DCC: variants seen among roughly 807,000 people sequenced by gnomAD.
The protein encoded by DCC is netrin receptor DCC.
Under a neutral mutation model 172.5 loss-of-function variants are expected in DCC, and 58 were observed. That is an observed-to-expected ratio of 0.34 (90% CI 0.27 to 0.42). The LOEUF (loss-of-function observed/expected upper bound fraction) is 0.42, where lower values mean the gene tolerates loss of function less well. Among genes scored for constraint, DCC ranks in the 10% least tolerant of loss-of-function variants. The pLI, the probability that DCC is intolerant of heterozygous loss-of-function variation, is 1.00. For missense variants in DCC, 1,740 were observed against 1,791.0 expected, an observed-to-expected ratio of 0.97 and a Z score of 0.51; for synonymous variants, 709 against 644.5, an observed-to-expected ratio of 1.10 and a Z score of -1.52.
chr18:53,524,001 T>C (rs1403243299), intron 27 of DCC, among the ~76,000 whole-genome samples: 1 of 151,592 alleles, frequency 6.6e-6, no homozygotes, highest in African/African-American at 2.4e-5. Flanking sequence ...GGTGAGAGGA[T>C]TGAGGAGATG....
chr18:53,263,536 A>T (rs1195331213), intron 12 of DCC, among the ~76,000 whole-genome samples: 1 of 152,168 alleles, frequency 6.6e-6, no homozygotes, highest in African/African-American at 2.4e-5. Flanking sequence ...AAATTTTATT[A>T]AGTTGATTTT....
rs182715268 is a variant in DCC, at chr18:52,956,423, T to C, written c.985+31053T>C. ...TCTATTTCTGAGCTCTCTGTCCTGT[T>C]CCATTGATCTATTTATTTATTCTTT... On this transcript the variant is annotated intron_variant, in intron 5 of 28. Coordinates refer to ENST00000442544, the MANE Select transcript of DCC (RefSeq NM_005215.4). 8.5e-5 allele frequency among the ~76,000 whole-genome samples: 13 copies of C among 152,180 alleles called. No individual in the cohort carries two copies. The East Asian group carries it at 2.5e-3, about 29-fold the overall frequency.
rs1446168229 is a variant in DCC at position 53,339,865 on chromosome 18, C to A, written c.2317C>A (p.Arg773Ser). 3 of 1,613,604 alleles carry A rather than the reference C, an allele frequency of 1.9e-6. No individual in the cohort carries two copies. Among genetic ancestry groups the A allele is most frequent in the Non-Finnish European group, 2.5e-6 (3 of 1,179,840 alleles). Residue 773 changes from arginine (R) to serine (S), a missense_variant, in exon 15 of 29, where the codon CGT (arginine) becomes AGT (serine). Coordinates refer to ENST00000442544, the MANE Select transcript of DCC (RefSeq NM_005215.4). ...TGGGAGCCCTTACGCTGAGACAGTG[C>A]GTGTGGACAGCAAGCAGCGATATTA... is the stretch of plus-strand genomic sequence containing the variant. Reference protein sequence around the residue: ...GVGSPYAETVRVDSKQRYYSI... With the variant: ...GVGSPYAETVSVDSKQRYYSI...
intron 7 of DCC, among the ~76,000 whole-genome samples, chr18:53,099,801 A>C (rs1328864606): frequency 6.6e-6 from 1 of 152,068 alleles, no homozygotes; most frequent in African/African-American, 2.4e-5. Flanking sequence ...TTTATATTGT[A>C]ATGAGAGTTG....
At position 53,099,939 on chromosome 18, in the gene DCC, C is replaced by CTTTTTTTTTTTTTT. The variant is rs200213348; in HGVS notation, c.1261+33776_1261+33777insTTTTTTTTTTTTTT. On this transcript the variant is annotated intron_variant, in intron 7 of 28. Transcript: ENST00000442544. ...AAGAGACTTTTCTTTTCTTTTCTTT[C>CTTTTTTTTTTTTTT]TTTCTTTTTTTTTTTTTTTTTGTTT... Among the ~76,000 whole-genome samples the CTTTTTTTTTTTTTT allele has an allele frequency of 1.8e-3, 156 of 87,148 alleles. 20 individuals carry two copies. Among genetic ancestry groups the CTTTTTTTTTTTTTT allele is most frequent in the African/African-American group, 2.2e-3 (41 of 18,838 alleles). 57.2% of individuals were successfully genotyped at this position (87,148 alleles called of 152,430 possible). A position where few individuals can be genotyped will look rare whatever the true frequency, so the allele number is the denominator to read the frequency against.
At chr18:53,085,011 G>A (rs1229867302) in intron 7 of DCC, among the ~76,000 whole-genome samples, 1 of 152,076 alleles carries the variant, frequency 6.6e-6, no homozygotes, top group Non-Finnish European at 1.5e-5. Context: ...TGAAAATAGG[G>A]GATCCCATAG....
In DCC at chr18:52,995,485, G is replaced by GT. The variant is rs11289189; in HGVS notation, c.986-67809dup. Among the ~76,000 whole-genome samples the GT allele has an allele frequency of 9.5e-4, 142 of 148,842 alleles. 1 individual carries two copies. Among genetic ancestry groups the GT allele is most frequent in the African/African-American group, 3.0e-3 (122 of 40,614 alleles). Reference sequence around the variant, plus strand: ...TTGATTGCAGAGAAGAAAGTTTTTTGTTTTTTTTTTTCTAGGCCTCAAACA... The same window carrying GT: ...TTGATTGCAGAGAAGAAAGTTTTTTGTTTTTTTTTTTTCTAGGCCTCAAACA... On this transcript the variant is annotated intron_variant, in intron 5 of 28. Coordinates refer to ENST00000442544, the MANE Select transcript of DCC (RefSeq NM_005215.4).
In DCC at chr18:53,402,775, T is replaced by A. The variant is rs1909394776; in HGVS notation, c.2828-11T>A. ...CCAATGACAAGGCCTTATCTCTGTCTCACCTCACAGCCCCCACCTCTGCTC... is the reference window on the plus strand; with the variant it reads ...CCAATGACAAGGCCTTATCTCTGTCACACCTCACAGCCCCCACCTCTGCTC... On this transcript the variant is annotated splice_polypyrimidine_tract_variant and intron_variant, in intron 18 of 28. Coordinates refer to ENST00000442544, the MANE Select transcript of DCC (RefSeq NM_005215.4). The A allele has an allele frequency of 1.3e-6, 2 of 1,594,016 alleles. No individual in the cohort carries two copies. The highest frequency in any genetic ancestry group is 3.3e-5 in the Admixed American group (2 of 59,960).
At chr18:53,486,687 T>C in intron 25 of DCC, 110 bp from the exon 26 acceptor site, 1 of 1,441,704 alleles carries the variant, frequency 6.9e-7, no homozygotes, top group South Asian at 1.2e-5. Context: ...TAGTTGATAC[T>C]ATGAAGAGTG....
At chr18:53,090,468 C>T (rs988160899) in intron 7 of DCC, among the ~76,000 whole-genome samples, 68 of 151,504 alleles carry the variant, frequency 4.5e-4, no homozygotes, top group African/African-American at 1.5e-3. Flanking sequence ...CCGAGGCGGG[C>T]GGATCACGAG....
At chr18:53,386,280 C>T in intron 16 of DCC, 142 bp downstream of exon 16, 1 of 686,566 alleles carries the variant, frequency 1.5e-6, no homozygotes, top group Non-Finnish European at 2.6e-6. Context: ...TAATTATCCT[C>T]TGAGTCTGAT....
At chr18:52,712,736 T>C (rs2036314238) in intron 1 of DCC, among the ~76,000 whole-genome samples, 1 of 152,236 alleles carries the variant, frequency 6.6e-6, no homozygotes, top group Non-Finnish European at 1.5e-5. Context: ...TAGTTACCAG[T>C]GTTGCCTTTC....
chr18:52,927,079 G>A (rs1366061658), intron 5 of DCC, among the ~76,000 whole-genome samples: 2 of 108,166 alleles, frequency 1.8e-5, no homozygotes, highest in Non-Finnish European at 3.9e-5. Context: ...ACATATATGT[G>A]TATATACACG....
Position 53,120,162 on chromosome 18 carries a change from G to A in DCC, c.1262-37194G>A, listed in dbSNP as rs1451560020. Among the ~76,000 whole-genome samples the A allele has an allele frequency of 2.0e-5, 3 of 151,670 alleles. No homozygotes were observed. In the East Asian group the frequency reaches 5.8e-4, roughly 30 times the overall value. On this transcript the variant is annotated intron_variant, in intron 7 of 28. Transcript: ENST00000442544. ...TAAATATCAATAATTTTTATATGAG[G>A]TGTTTATTACAATTCTGAAATTAAA...
chr18:53,141,086 A>G (rs1462820255), intron 7 of DCC, among the ~76,000 whole-genome samples: 2 of 152,168 alleles, frequency 1.3e-5, no homozygotes. Flanking sequence ...ATAAAGCATG[A>G]ATCCTGGTTA....
intron 9 of DCC, among the ~76,000 whole-genome samples, chr18:53,180,676 A>G (rs1329218406): frequency 6.6e-6 from 1 of 151,890 alleles, no homozygotes; most frequent in South Asian, 2.1e-4. Flanking sequence ...TTCTTTTTTT[A>G]TTTTTGGGAC....
chr18:52,630,647 GA>G (rs1021117242), intron 1 of DCC, among the ~76,000 whole-genome samples: 3 of 151,738 alleles, frequency 2.0e-5, no homozygotes, highest in African/African-American at 7.3e-5. Context: ...ATGACGGTGA[GA>G]TTTTTTTTTT....
chr18:52,376,007 G>T (rs1985330489), intron 1 of DCC, among the ~76,000 whole-genome samples: 1 of 152,154 alleles, frequency 6.6e-6, no homozygotes, highest in East Asian at 1.9e-4. Flanking sequence ...AACACTACAT[G>T]CTAGCCCGAA....
At chr18:53,511,284 T>G (rs2046248111) in intron 27 of DCC, among the ~76,000 whole-genome samples, 1 of 152,098 alleles carries the variant, frequency 6.6e-6, no homozygotes, top group Non-Finnish European at 1.5e-5. Flanking sequence ...TGGAAAATGG[T>G]AGGAGTAGGT....
Sources: gnomAD v4.1 joint callset for allele counts (sites outside exome capture counted in the v4.1 genomes callset) on GRCh38, gnomAD v4.1.1 for gene constraint, MANE v1.5 for transcripts, NCBI Gene and HGNC (gene_info 2026-07-23, HGNC 2026-07-21) for gene names.